The following AHI1 variants were observed in gnomAD, a reference collection of about 807,000 sequenced individuals.
AHI1 encodes the protein Abelson helper integration site 1, also known as jouberin.
Under a neutral mutation model 149.3 loss-of-function variants are expected in AHI1, and 123 were observed. That is an observed-to-expected ratio of 0.82 (90% CI 0.71 to 0.96). The LOEUF is 0.96. Among genes scored for constraint, AHI1 ranks in the 40% least tolerant of loss-of-function variants. AHI1 has a pLI of 0.00. For synonymous variants in AHI1, 475 were observed against 459.8 expected (o/e 1.03, Z -0.42); for missense variants, 1,439 against 1,422.7 (o/e 1.01, Z -0.18).
At chr6:135,475,819 G>A (rs918446390) in intron 5 of AHI1, among the ~76,000 whole-genome samples, 3 of 152,114 alleles carry the variant, frequency 2.0e-5, no homozygotes, top group African/African-American at 4.8e-5. Flanking sequence ...AGTAATAAAT[G>A]GTGTGGGTAT....
At position 135,411,447 on chromosome 6, in the gene AHI1, T is replaced by C. The variant is rs2127974180; in HGVS notation, c.2862A>G (p.Lys954=). 6.2e-7 allele frequency: 1 copy of C among 1,613,816 alleles called. No homozygotes were observed. ...TCTGAAAAGAGCCTTGATGGGGTAG[T>C]TTTGGACAGGTACATAGGGCATCTT... is the stretch of plus-strand genomic sequence containing the variant. ...QSQDALCTCP[K]LPHQGSFQID... The change falls in exon 21 of 29, where the codon AAA becomes AAG. Residue 954 remains lysine, a synonymous_variant. Coordinates refer to ENST00000265602, the MANE Select transcript of AHI1 (RefSeq NM_001134831.2).
At chr6:135,405,932 T>C (rs1780734395) in intron 21 of AHI1, among the ~76,000 whole-genome samples, 1 of 149,376 alleles carries the variant, frequency 6.7e-6, no homozygotes, top group African/African-American at 2.5e-5. Flanking sequence ...TCCAGTCCAA[T>C]TAGGAGTTAG....
chr6:135,466,416 G>C, intron 6 of AHI1, 43 bp from the exon 7 acceptor site: 3 of 1,493,006 alleles, frequency 2.0e-6, no homozygotes, highest in Non-Finnish European at 1.8e-6. Flanking sequence ...GTTACACATA[G>C]ATTAGTTATA....
chr6:135,425,442 G>A (rs921844177), intron 20 of AHI1, among the ~76,000 whole-genome samples: 1 of 151,828 alleles, frequency 6.6e-6, no homozygotes, highest in African/African-American at 2.4e-5. Context: ...ATGCTTATTA[G>A]CATATTAAAA....
chr6:135,312,627 C>G (rs954263274), intron 26 of AHI1, among the ~76,000 whole-genome samples: 2 of 152,190 alleles, frequency 1.3e-5, no homozygotes, highest in Admixed American at 1.3e-4. Context: ...TGATACAGAA[C>G]CTGGCTAACT....
At chr6:135,490,106 G>C in intron 5 of AHI1, 1 of 708,926 alleles carries the variant, frequency 1.4e-6, no homozygotes, top group Non-Finnish European at 2.6e-6. Context: ...GATTTGCTTA[G>C]TCTTTGAGCA....
chr6:135,315,043 A>T (rs1490653677), intron 26 of AHI1, among the ~76,000 whole-genome samples: 1 of 152,184 alleles, frequency 6.6e-6, no homozygotes, highest in South Asian at 2.1e-4. Flanking sequence ...GGTGATTTCA[A>T]TGTGAAGCCA....
chr6:135,364,037 C>A (rs1274873381), intron 23 of AHI1, among the ~76,000 whole-genome samples: 20 of 150,624 alleles, frequency 1.3e-4, no homozygotes, highest in South Asian at 4.2e-4. Context: ...GCGCCCCTCA[C>A]CTCCCGGACA....
chr6:135,387,148 G>T (rs1418516433), intron 23 of AHI1, among the ~76,000 whole-genome samples: 4 of 152,116 alleles, frequency 2.6e-5, no homozygotes, highest in Admixed American at 1.3e-4. Context: ...TCCCAAAAGT[G>T]CTGGGATTAC....
intron 23 of AHI1, among the ~76,000 whole-genome samples, chr6:135,380,658 A>G (rs1379240507): frequency 6.6e-6 from 1 of 151,718 alleles, no homozygotes; most frequent in Non-Finnish European, 1.5e-5. Flanking sequence ...CTGGGTACTT[A>G]CTGAATGTAT....
intron 12 of AHI1, among the ~76,000 whole-genome samples, chr6:135,447,520 C>A (rs1460355146): frequency 2.0e-5 from 3 of 152,080 alleles, no homozygotes; most frequent in Non-Finnish European, 1.5e-5. Context: ...AAACTAGTAT[C>A]ATAAAAATCT....
At chr6:135,458,004 G>A (rs2128082526) in intron 8 of AHI1, among the ~76,000 whole-genome samples, 1 of 152,136 alleles carries the variant, frequency 6.6e-6, no homozygotes, top group East Asian at 1.9e-4. Context: ...CTTTATCCAG[G>A]TATTTTCTAA....
At chr6:135,331,506 C>T (rs1356611299) in intron 24 of AHI1, among the ~76,000 whole-genome samples, 1 of 152,022 alleles carries the variant, frequency 6.6e-6, no homozygotes, top group South Asian at 2.1e-4. Context: ...TAGGGGAATT[C>T]CTTTCTGTAT....
chr6:135,463,942 A>C (rs374124725), intron 7 of AHI1, among the ~76,000 whole-genome samples: 16 of 152,002 alleles, frequency 1.1e-4, no homozygotes, highest in African/African-American at 3.9e-4. Flanking sequence ...ATGGACTTTC[A>C]CTATGTTGCT....
chr6:135,457,145 G>A (rs1789094532), intron 9 of AHI1, among the ~76,000 whole-genome samples: 1 of 152,078 alleles, frequency 6.6e-6, no homozygotes. Flanking sequence ...TTAGCCAGGA[G>A]TGGTGGCGAG....
intron 24 of AHI1, among the ~76,000 whole-genome samples, chr6:135,353,714 T>C (rs1369467080): frequency 6.6e-6 from 1 of 152,112 alleles, no homozygotes; most frequent in Non-Finnish European, 1.5e-5. Flanking sequence ...TTAATTTATA[T>C]GATTCAGATC....
chr6:135,473,113 A>T (rs942860915), intron 5 of AHI1, among the ~76,000 whole-genome samples: 2 of 152,082 alleles, frequency 1.3e-5, no homozygotes, highest in Non-Finnish European at 2.9e-5. Context: ...TATGTCTTTG[A>T]TCCACTTCTA....
At chr6:135,300,477 A>G (rs1783727195) in intron 27 of AHI1, 23 bp downstream of exon 27, 2 of 1,585,306 alleles carry the variant, frequency 1.3e-6, no homozygotes, top group East Asian at 4.5e-5. Context: ...ATCACTGCAA[A>G]TTATTTTGAA....
chr6:135,442,937 C>T (rs1786550478), intron 13 of AHI1, among the ~76,000 whole-genome samples: 1 of 152,048 alleles, frequency 6.6e-6, no homozygotes, highest in African/African-American at 2.4e-5. Context: ...TTAAGTAGTA[C>T]TTAATTCACC....
Sources: gnomAD v4.1 joint callset for allele counts (sites outside exome capture counted in the v4.1 genomes callset) on GRCh38, gnomAD v4.1.1 for gene constraint, MANE v1.5 for transcripts, NCBI Gene and HGNC (gene_info 2026-07-23, HGNC 2026-07-21) for gene names.